The following PDE1C variants were observed in gnomAD, a reference collection of about 807,000 sequenced individuals.
PDE1C encodes the protein dual specificity calcium/calmodulin-dependent 3',5'-cyclic nucleotide phosphodiesterase 1C.
PDE1C carries 62 observed loss-of-function variants against 93.1 expected under a neutral mutation model. The ratio of observed to expected loss-of-function variants is 0.67; its 90% CI spans 0.54 to 0.82. PDE1C has a LOEUF of 0.82. Ranked by LOEUF, PDE1C falls within the 40% of genes least tolerant of loss-of-function variation. The pLI is 0.00. For synonymous variants in PDE1C, 325 were observed against 310.1 expected (o/e 1.05, Z -0.50); for missense variants, 742 against 884.6 (o/e 0.84, Z 2.04).
intron 1 of PDE1C, among the ~76,000 whole-genome samples, chr7:32,365,860 G>A (rs1784220849): frequency 6.6e-6 from 1 of 151,864 alleles, no homozygotes; most frequent in Non-Finnish European, 1.5e-5. Context: ...TTACACGACT[G>A]TGTCCACCCA....
chr7:31,743,403 C>T, the PDE1C span, among the ~76,000 whole-genome samples: 2 of 152,058 alleles, frequency 1.3e-5, no homozygotes, highest in South Asian at 2.1e-4. Flanking sequence ...CCTTCAGATG[C>T]CTGAGGCTGC....
intron 1 of PDE1C, among the ~76,000 whole-genome samples, chr7:32,263,597 T>C (rs1246133083): frequency 2.0e-5 from 3 of 152,186 alleles, no homozygotes; most frequent in Non-Finnish European, 4.4e-5. Flanking sequence ...GATCTAATAA[T>C]GTCCTTTATA....
At chr7:32,082,414 A>G (rs890606795) in intron 3 of PDE1C, among the ~76,000 whole-genome samples, 2 of 152,236 alleles carry the variant, frequency 1.3e-5, no homozygotes, top group African/African-American at 4.8e-5. Flanking sequence ...CTGCCTCTGT[A>G]GGCTCCACCT....
chr7:32,363,215 G>T (rs1260841278), intron 1 of PDE1C, among the ~76,000 whole-genome samples: 1 of 152,204 alleles, frequency 6.6e-6, no homozygotes, highest in East Asian at 1.9e-4. Context: ...GAACATCCTA[G>T]AACAAGCCAA....
intron 1 of PDE1C, among the ~76,000 whole-genome samples, chr7:32,062,511 G>A (rs192565101): frequency 2.6e-4 from 39 of 152,234 alleles, no homozygotes; most frequent in African/African-American, 5.8e-4. Flanking sequence ...CCTAGAATAC[G>A]CTTCCCTAAC....
intron 2 of PDE1C, among the ~76,000 whole-genome samples, chr7:31,894,877 T>C (rs997691184): frequency 1.3e-5 from 2 of 151,970 alleles, no homozygotes; most frequent in African/African-American, 4.8e-5. Flanking sequence ...GTGGTGTCTA[T>C]GAAGTACATC....
At chr7:31,975,111 A>G (rs1470677808) in intron 2 of PDE1C, among the ~76,000 whole-genome samples, 1 of 152,138 alleles carries the variant, frequency 6.6e-6, no homozygotes, top group African/African-American at 2.4e-5. Context: ...GTTTTCAGAA[A>G]ATCTAAAGTG....
chr7:32,284,105 T>C (rs553849609), intron 1 of PDE1C, among the ~76,000 whole-genome samples: 1 of 152,306 alleles, frequency 6.6e-6, no homozygotes, highest in South Asian at 2.1e-4. Flanking sequence ...GTAATTTCCA[T>C]TAGAGAAAAT....
At chr7:31,961,020 G>GC (rs957985784) in intron 2 of PDE1C, among the ~76,000 whole-genome samples, 11 of 152,052 alleles carry the variant, frequency 7.2e-5, no homozygotes, top group African/African-American at 2.7e-4. Context: ...CGTTCTGTCT[G>GC]CCACCCTCTA....
the PDE1C span, among the ~76,000 whole-genome samples, chr7:31,639,066 T>C: frequency 1.3e-5 from 2 of 152,160 alleles, no homozygotes; most frequent in East Asian, 1.9e-4. Context: ...TGTGAGCCAC[T>C]GCGCCCAGCC....
At chr7:32,299,665 G>T (rs1812833875), upstream of PDE1C, among the ~76,000 whole-genome samples, 1 of 152,364 alleles carries the variant, frequency 6.6e-6, no homozygotes, top group Middle Eastern at 3.4e-3. Context: ...ACACAAGGAA[G>T]TGGCGGACTT....
At chr7:31,904,499 C>G (rs544466218) in intron 2 of PDE1C, among the ~76,000 whole-genome samples, 2 of 151,940 alleles carry the variant, frequency 1.3e-5, no homozygotes, top group African/African-American at 4.8e-5. Context: ...AAATCTAAAT[C>G]CACTGTGTCC....
chr7:32,188,085 C>T (rs1003045055), intron 2 of PDE1C, among the ~76,000 whole-genome samples: 2 of 152,152 alleles, frequency 1.3e-5, no homozygotes, highest in African/African-American at 2.4e-5. Context: ...ACATATTTCT[C>T]AGCTGTCTTA....
chr7:31,625,762 A>G, the PDE1C span, among the ~76,000 whole-genome samples: 3 of 152,144 alleles, frequency 2.0e-5, no homozygotes, highest in Non-Finnish European at 4.4e-5. Flanking sequence ...CCCTAAACTT[A>G]AAGTATAATT....
exon 1 of PDE1C, chr7:32,427,937 G>T: frequency 6.6e-6 from 1 of 152,508 alleles, no homozygotes; most frequent in East Asian, 1.9e-4. Context: ...GTCTCGCCGC[G>T]GGCTGTGCCT....
chr7:31,954,858 G>T (rs1261677038), intron 2 of PDE1C, among the ~76,000 whole-genome samples: 8 of 152,234 alleles, frequency 5.3e-5, no homozygotes, highest in Admixed American at 5.2e-4. Context: ...GAAGTGATTA[G>T]AATAGAGTTG....
intron 1 of PDE1C, among the ~76,000 whole-genome samples, chr7:32,269,555 C>T (rs1235223328): frequency 6.6e-6 from 1 of 152,188 alleles, no homozygotes; most frequent in Non-Finnish European, 1.5e-5. Flanking sequence ...TCTCGGCTCA[C>T]TGCAACCTCT....
intron 1 of PDE1C, among the ~76,000 whole-genome samples, chr7:32,064,642 C>G (rs1795171955): frequency 6.6e-6 from 1 of 151,974 alleles, no homozygotes; most frequent in South Asian, 2.1e-4. Context: ...TTTCTTATAA[C>G]TGAAAGGATA....
intron 2 of PDE1C, among the ~76,000 whole-genome samples, chr7:32,027,871 C>T (rs1789702086): frequency 6.6e-6 from 1 of 151,884 alleles, no homozygotes. Flanking sequence ...AAGCCTTACA[C>T]TGAAATCATA....
Sources: gnomAD v4.1 joint callset for allele counts (sites outside exome capture counted in the v4.1 genomes callset) on GRCh38, gnomAD v4.1.1 for gene constraint, MANE v1.5 for transcripts, NCBI Gene and HGNC (gene_info 2026-07-23, HGNC 2026-07-21) for gene names.